Variants in PPFIBP2 observed in about 807,000 individuals in gnomAD.
The protein encoded by PPFIBP2 is liprin-beta-2.
A neutral mutation model predicts 118.3 loss-of-function variants in PPFIBP2; 118 were observed. The observed-to-expected ratio is 1.00, with a 90% CI of 0.86 to 1.16. The LOEUF is 1.16. PPFIBP2 is among the 50% of genes most tolerant of loss of function. PPFIBP2 has a pLI of 0.00. For missense variants in PPFIBP2, 1,195 were observed against 1,073.1 expected (o/e 1.11, Z -1.59); for synonymous variants, 414 against 397.4 (o/e 1.04, Z -0.50).
intron 2 of PPFIBP2, among the ~76,000 whole-genome samples, chr11:7,556,196 T>C (rs7111178): frequency 0.011 from 1,704 of 152,264 alleles, 30 homozygotes; most frequent in African/African-American, 0.037. Flanking sequence ...TGGCTAACGC[T>C]TGTAATCCCA....
At chr11:7,546,682 C>T (rs553629887) in intron 1 of PPFIBP2, among the ~76,000 whole-genome samples, 38 of 152,358 alleles carry the variant, frequency 2.5e-4, no homozygotes, top group Non-Finnish European at 4.9e-4. Flanking sequence ...CTGGGTGCTC[C>T]TGCGTAATCT....
downstream of PPFIBP2, among the ~76,000 whole-genome samples, chr11:7,659,301 C>G (rs1466626601): frequency 2.7e-5 from 4 of 149,140 alleles, no homozygotes; most frequent in Admixed American, 2.0e-4. Flanking sequence ...GTCTTTAATC[C>G]ATCTTGAATT....
intron 10 of PPFIBP2, 144 bp from the exon 11 acceptor site, chr11:7,630,781 C>A: frequency 1.5e-6 from 1 of 665,720 alleles, no homozygotes. Flanking sequence ...CCTGAAGAAT[C>A]TTCAGAATCA....
chr11:7,578,227 C>T (rs1856742445), intron 3 of PPFIBP2, among the ~76,000 whole-genome samples: 1 of 152,164 alleles, frequency 6.6e-6, no homozygotes, highest in Admixed American at 6.5e-5. Flanking sequence ...AATGAACGGA[C>T]GTTGGGGGCT....
intron 1 of PPFIBP2, among the ~76,000 whole-genome samples, chr11:7,518,767 G>T (rs551469219): frequency 9.8e-5 from 15 of 152,300 alleles, no homozygotes; most frequent in African/African-American, 3.4e-4. Flanking sequence ...AAGGGAACAT[G>T]AACTCTTAAC....
At chr11:7,579,772 C>T (rs1164296711) in intron 3 of PPFIBP2, among the ~76,000 whole-genome samples, 1 of 152,118 alleles carries the variant, frequency 6.6e-6, no homozygotes, top group Non-Finnish European at 1.5e-5. Context: ...AGCAAGGAGA[C>T]TTTAGAAACC....
chr11:7,561,334 A>G (rs1590244058), intron 2 of PPFIBP2, among the ~76,000 whole-genome samples: 1 of 152,274 alleles, frequency 6.6e-6, no homozygotes. Flanking sequence ...CCAAAGTACT[A>G]GGATTACAGG....
Position 7,549,549 on chromosome 11 carries a change from G to A in PPFIBP2, c.64+10G>A. 1 of 1,548,086 alleles carries A rather than the reference G, an allele frequency of 6.5e-7. No homozygotes were observed. Among genetic ancestry groups the A allele is most frequent in the South Asian group, 1.2e-5 (1 of 82,686 alleles). On this transcript the variant is annotated intron_variant, in intron 2 of 23. Coordinates refer to ENST00000299492, the MANE Select transcript of PPFIBP2 (RefSeq NM_003621.5). ...GACGGGATCATTGCAGGTACGCCCA[G>A]GGAACCCCAGCAACCAAGGTCTCAT...
chr11:7,666,547 C>G, the PPFIBP2 span: 1 of 1,612,510 alleles, frequency 6.2e-7, no homozygotes. Context: ...ATATCCTCCT[C>G]TGTCTAGAAA....
downstream of PPFIBP2, among the ~76,000 whole-genome samples, chr11:7,660,318 G>A (rs10839835): frequency 0.2 from 21,309 of 105,054 alleles, 3,610 homozygotes; most frequent in East Asian, 0.43. Flanking sequence ...TTTGAAATAC[G>A]TCCCATCAAT....
chr11:7,645,347 C>T (rs535477776), intron 17 of PPFIBP2, among the ~76,000 whole-genome samples: 8 of 152,268 alleles, frequency 5.3e-5, no homozygotes, highest in Non-Finnish European at 8.8e-5. Context: ...TGTGCCGATT[C>T]GCTCAGTGCT....
chr11:7,602,011 G>A (rs1846698254), intron 5 of PPFIBP2, among the ~76,000 whole-genome samples: 1 of 149,576 alleles, frequency 6.7e-6, no homozygotes, highest in Admixed American at 6.7e-5. Flanking sequence ...GAGAATCGCT[G>A]GAACCCGAGA....
At chr11:7,640,235 T>A (rs186244042) in intron 15 of PPFIBP2, among the ~76,000 whole-genome samples, 2 of 152,284 alleles carry the variant, frequency 1.3e-5, no homozygotes, top group East Asian at 3.9e-4. Context: ...TTCCTGCCCC[T>A]GGTGCTTCCT....
chr11:7,613,722 A>C (rs981648844), intron 6 of PPFIBP2, among the ~76,000 whole-genome samples: 3 of 152,180 alleles, frequency 2.0e-5, no homozygotes, highest in Non-Finnish European at 4.4e-5. Flanking sequence ...GGCCTTCCCC[A>C]AGAAAGAAAT....
At chr11:7,544,119 C>CT (rs1478379993) in intron 1 of PPFIBP2, among the ~76,000 whole-genome samples, 2 of 152,150 alleles carry the variant, frequency 1.3e-5, no homozygotes, top group African/African-American at 4.8e-5. Flanking sequence ...ACACATAGGC[C>CT]TGTGAGTGAA....
chr11:7,609,876 G>T (rs1847857011), intron 5 of PPFIBP2, among the ~76,000 whole-genome samples: 1 of 152,118 alleles, frequency 6.6e-6, no homozygotes, highest in Non-Finnish European at 1.5e-5. Context: ...AGCATTGGTT[G>T]AGCCCAGAAA....
chr11:7,648,887 C>A lies in PPFIBP2; in HGVS notation c.1885C>A (p.Leu629Met). 6.2e-7 allele frequency: 1 copy of A among 1,613,986 alleles called. No homozygotes were observed. Among genetic ancestry groups the A allele is most frequent in the East Asian group, 2.2e-5 (1 of 44,882 alleles). ...CACCAAACAGGAGGAGAAGTCTGCA[C>A]TGCTAGACCACATTTGGGTGACAAG... ...INTKQEEKSALLDHIWVTRWL... is the reference protein window; with the variant it reads ...INTKQEEKSAMLDHIWVTRWL... Residue 629 changes from leucine (L) to methionine (M), a missense_variant, in exon 19 of 24, where the codon CTG becomes ATG. Coordinates refer to ENST00000299492, the MANE Select transcript of PPFIBP2 (RefSeq NM_003621.5).
chr11:7,665,647 A>C, the PPFIBP2 span: 1 of 1,322,842 alleles, frequency 7.6e-7, no homozygotes, highest in South Asian at 1.5e-5. Context: ...GGAGGTGACA[A>C]GCTGCTCTAC....
chr11:7,652,215 C>G (rs1854143792), intron 23 of PPFIBP2, among the ~76,000 whole-genome samples: 1 of 152,254 alleles, frequency 6.6e-6, no homozygotes, highest in Non-Finnish European at 1.5e-5. Context: ...GCCGTGGGAT[C>G]TTGGTCAAAG....
Sources: allele counts gnomAD v4.1 joint callset (sites outside exome capture counted in the v4.1 genomes callset), GRCh38; gene constraint gnomAD v4.1.1; transcripts MANE v1.5; gene names NCBI Gene and HGNC (gene_info 2026-07-23, HGNC 2026-07-21).